CSMD3: variants seen among roughly 807,000 people sequenced by gnomAD.
CSMD3 encodes the protein CUB and Sushi multiple domains 3.
Under a neutral mutation model 435.2 loss-of-function variants are expected in CSMD3, and 177 were observed. The ratio of observed to expected loss-of-function variants is 0.41; its 90% CI spans 0.36 to 0.46. The LOEUF (loss-of-function observed/expected upper bound fraction) is 0.46, where lower values mean the gene tolerates loss of function less well. Ranked by LOEUF, CSMD3 falls within the 20% of genes least tolerant of loss-of-function variation. The pLI is 0.34. For missense variants in CSMD3, 4,265 were observed against 4,504.6 expected, an observed-to-expected ratio of 0.95 and a Z score of 1.52; for synonymous variants, 1,656 against 1,520.5, an observed-to-expected ratio of 1.09 and a Z score of -2.07.
intron 35 of CSMD3, among the ~76,000 whole-genome samples, chr8:112,405,209 AC>A (rs767203561): frequency 0.028 from 883 of 31,432 alleles, 221 homozygotes; most frequent in African/African-American, 0.06. Context: ...AAAAAAAAAA[AC>A]CCCCATATAT....
chr8:113,318,719 A>G (rs1437605259), intron 1 of CSMD3, among the ~76,000 whole-genome samples: 1 of 151,754 alleles, frequency 6.6e-6, no homozygotes, highest in Non-Finnish European at 1.5e-5. Flanking sequence ...TTCACTTAGC[A>G]TAATGTCCTC....
intron 23 of CSMD3, among the ~76,000 whole-genome samples, chr8:112,585,829 A>C (rs1446505364): frequency 2.0e-5 from 3 of 151,578 alleles, no homozygotes; most frequent in African/African-American, 7.2e-5. Context: ...ATTTGCTTGA[A>C]AATAAAAAGC....
intron 5 of CSMD3, among the ~76,000 whole-genome samples, chr8:113,089,452 CAT>C (rs1158018222): frequency 6.6e-6 from 1 of 151,886 alleles, no homozygotes; most frequent in Admixed American, 6.6e-5. Flanking sequence ...TTATCTAAGA[CAT>C]AGAGTTAACA....
intron 32 of CSMD3, among the ~76,000 whole-genome samples, chr8:112,433,561 G>A (rs574175975): frequency 2.7e-5 from 4 of 150,160 alleles, no homozygotes; most frequent in East Asian, 4.0e-4. Flanking sequence ...GAGTGTTGAG[G>A]TAGTGGGATC....
intron 32 of CSMD3, among the ~76,000 whole-genome samples, chr8:112,413,663 C>G (rs771547151): frequency 6.6e-6 from 1 of 152,098 alleles, no homozygotes; most frequent in East Asian, 1.9e-4. Context: ...GGTTAGTGCT[C>G]ACAGGGGAGG....
chr8:112,322,880 A>C (rs542588578), intron 45 of CSMD3, among the ~76,000 whole-genome samples: 1 of 152,142 alleles, frequency 6.6e-6, no homozygotes, highest in African/African-American at 2.4e-5. Flanking sequence ...TTCACTATCC[A>C]GGAATTAGTT....
chr8:112,537,025 A>G (rs1030921954), intron 27 of CSMD3, among the ~76,000 whole-genome samples: 17 of 151,750 alleles, frequency 1.1e-4, no homozygotes, highest in Admixed American at 1.3e-4. Flanking sequence ...ATTTTGGGGT[A>G]GGGGGAAGGG....
chr8:112,457,706 C>T (rs1816978720), intron 32 of CSMD3, among the ~76,000 whole-genome samples: 1 of 151,920 alleles, frequency 6.6e-6, no homozygotes, highest in African/African-American at 2.4e-5. Context: ...TTTAGGCCTC[C>T]TCATTCCTTT....
intron 20 of CSMD3, among the ~76,000 whole-genome samples, chr8:112,641,821 C>G (rs1279208109): frequency 6.6e-6 from 1 of 151,906 alleles, no homozygotes; most frequent in African/African-American, 2.4e-5. Context: ...GAGAACCCAT[C>G]TCAGGAAAAA....
chr8:112,342,701 G>A (rs941079943), intron 41 of CSMD3, among the ~76,000 whole-genome samples: 2 of 151,882 alleles, frequency 1.3e-5, no homozygotes, highest in Non-Finnish European at 2.9e-5. Context: ...GGGGCTCTGA[G>A]TAAACGCGCA....
At chr8:113,360,725 T>C (rs952743939) in intron 1 of CSMD3, among the ~76,000 whole-genome samples, 6 of 151,528 alleles carry the variant, frequency 4.0e-5, no homozygotes, top group South Asian at 2.1e-4. Context: ...AGGCGCCCGC[T>C]ACCACGCCCG....
chr8:112,255,057 T>C (rs1254124309), intron 62 of CSMD3, among the ~76,000 whole-genome samples, 197 bp downstream of exon 62: 1 of 152,168 alleles, frequency 6.6e-6, no homozygotes, highest in East Asian at 1.9e-4. Context: ...CAAGTGTTTC[T>C]TCTGGAAGTT....
chr8:112,954,195 A>C (rs964711593), intron 8 of CSMD3, among the ~76,000 whole-genome samples: 1 of 151,566 alleles, frequency 6.6e-6, no homozygotes, highest in African/African-American at 2.4e-5. Flanking sequence ...CAATCATTTT[A>C]TAAAATATTT....
At chr8:112,727,201 T>A (rs373362625) in intron 13 of CSMD3, among the ~76,000 whole-genome samples, 27 of 151,894 alleles carry the variant, frequency 1.8e-4, no homozygotes, top group African/African-American at 6.5e-4. Context: ...ATTTCATATA[T>A]TGTGTTAAGG....
At chr8:112,257,236 C>A (rs891916245) in intron 61 of CSMD3, among the ~76,000 whole-genome samples, 1 of 152,044 alleles carries the variant, frequency 6.6e-6, no homozygotes, top group Admixed American at 6.6e-5. Context: ...CCCATTCAAC[C>A]AAATGCTGGC....
chr8:112,879,321 G>T (rs2081382473), intron 10 of CSMD3, among the ~76,000 whole-genome samples: 1 of 152,182 alleles, frequency 6.6e-6, no homozygotes, highest in African/African-American at 2.4e-5. Context: ...CCCCAGGCTT[G>T]CTAGGATTAG....
At chr8:113,303,784 C>T (rs1282939017) in intron 2 of CSMD3, among the ~76,000 whole-genome samples, 16 of 139,094 alleles carry the variant, frequency 1.2e-4, no homozygotes, top group South Asian at 2.5e-4. Context: ...AAGATTTAAA[C>T]GTTAGACCTA....
At chr8:112,897,313 C>G (rs532824976) in intron 10 of CSMD3, among the ~76,000 whole-genome samples, 113 of 151,430 alleles carry the variant, frequency 7.5e-4, no homozygotes, top group African/African-American at 2.7e-3. Context: ...AGAACATACT[C>G]TAGTGCCAGA....
intron 38 of CSMD3, among the ~76,000 whole-genome samples, chr8:112,373,826 T>G (rs1828685329): frequency 6.6e-6 from 1 of 152,192 alleles, no homozygotes; most frequent in African/African-American, 2.4e-5. Flanking sequence ...GAGGGCACTG[T>G]ATTCGCTGGA....
Sources: allele counts gnomAD v4.1 joint callset (sites outside exome capture counted in the v4.1 genomes callset), GRCh38; gene constraint gnomAD v4.1.1; transcripts MANE v1.5; gene names NCBI Gene and HGNC (gene_info 2026-07-23, HGNC 2026-07-21).